IGDCC3: variants seen among roughly 807,000 people sequenced by gnomAD.
IGDCC3 encodes the protein putative neuronal cell adhesion molecule.
In IGDCC3, 47 loss-of-function variants were observed where a neutral mutation model predicts 72.0. The observed-to-expected ratio is 0.65, with a 90% CI of 0.52 to 0.83. The LOEUF (loss-of-function observed/expected upper bound fraction) is 0.83. Among genes scored for constraint, IGDCC3 ranks in the 40% least tolerant of loss-of-function variants. The pLI, the probability that IGDCC3 is intolerant of heterozygous loss-of-function variation, is 0.00. For missense variants in IGDCC3, 1,038 were observed against 1,091.3 expected (o/e 0.95, Z 0.69); for synonymous variants, 477 against 472.8 (o/e 1.01, Z -0.11).
intron 2 of IGDCC3, among the ~76,000 whole-genome samples, chr15:65,347,935 TCAAA>T (rs1355517912): frequency 1.5e-5 from 2 of 137,360 alleles, no homozygotes; most frequent in African/African-American, 5.4e-5. Flanking sequence ...AAATTTCATC[TCAAA>T]CAACAACAAC....
At position 65,329,936 on chromosome 15, in the gene IGDCC3, G is replaced by A. The variant is rs2090961681; in HGVS notation, c.1859-72C>T. The A allele has an allele frequency of 1.3e-6, 2 of 1,542,730 alleles. No individual in the cohort carries two copies. The highest frequency in any genetic ancestry group is 3.4e-5 in the Admixed American group (2 of 59,426). On this transcript the variant is annotated intron_variant, in intron 11 of 13. Coordinates refer to ENST00000327987, the MANE Select transcript of IGDCC3 (RefSeq NM_004884.4). This position sits in a 1 kb window ranked among gnomAD's most constrained non-coding sequence, Gnocchi z 4.1. ...CACTCCCAAACACCCAGCCTCTGGGGACTCCTCTTCCTTCAGCTGCTCCCA... is the reference window on the plus strand; with the variant it reads ...CACTCCCAAACACCCAGCCTCTGGGAACTCCTCTTCCTTCAGCTGCTCCCA...
In IGDCC3 at chr15:65,356,737, A is replaced by G. The variant is rs531330994; in HGVS notation, c.409+18360T>C. On this transcript the variant is annotated intron_variant, in intron 2 of 13. Coordinates refer to ENST00000327987, the MANE Select transcript of IGDCC3 (RefSeq NM_004884.4). ...GAGATTACACCCTTCAAGATCAGGA[A>G]GTGTCTTATCTTTCTGTGCTATCCT... is the stretch of plus-strand genomic sequence containing the variant. Among the ~76,000 whole-genome samples the G allele has an allele frequency of 7.9e-4, 120 of 151,858 alleles. 1 individual carries two copies. The highest frequency in any genetic ancestry group is 2.8e-3 in the African/African-American group (116 of 41,382).
chr15:65,334,051 G>A (rs1253795743), intron 5 of IGDCC3, among the ~76,000 whole-genome samples: 1 of 150,926 alleles, frequency 6.6e-6, no homozygotes, highest in Non-Finnish European at 1.5e-5. Context: ...CCCCATTCAG[G>A]CCCTGAAGTG....
rs2091366512 is a variant in IGDCC3, at chr15:65,377,556, C to A, written c.103+130G>T. 5 of 938,654 alleles carry A rather than the reference C, an allele frequency of 5.3e-6. No individual in the cohort carries two copies. Among genetic ancestry groups the A allele is most frequent in the Non-Finnish European group, 7.0e-6 (5 of 719,022 alleles). The allele number at this position is 938,654 out of a possible 1,614,324, so 58.1% of individuals were successfully genotyped here. A position where few individuals can be genotyped will look rare whatever the true frequency, so the allele number is the denominator to read the frequency against. On this transcript the variant is annotated intron_variant, in intron 1 of 13. Coordinates refer to ENST00000327987, the MANE Select transcript of IGDCC3 (RefSeq NM_004884.4). This position sits in a 1 kb window ranked among gnomAD's most constrained non-coding sequence, Gnocchi z 4.9. ...TCTCCCCGTCCGGATCCGCAGGGTC[C>A]CCCCCGCGCGGGGTCCGCCCTCAGG...
At chr15:65,361,626 G>GC (rs200719208) in intron 2 of IGDCC3, among the ~76,000 whole-genome samples, 1 of 57,000 alleles carries the variant, frequency 1.8e-5, no homozygotes, top group East Asian at 5.5e-4. Flanking sequence ...GACCACAGCA[G>GC]CCTAGAAGAG....
At chr15:65,356,541 A>G (rs915242693) in intron 2 of IGDCC3, among the ~76,000 whole-genome samples, 1 of 152,166 alleles carries the variant, frequency 6.6e-6, no homozygotes, top group Non-Finnish European at 1.5e-5. Context: ...AGGTGGCTCA[A>G]CTTAGAAATC....
intron 2 of IGDCC3, among the ~76,000 whole-genome samples, chr15:65,351,139 A>T (rs1302683915): frequency 6.6e-6 from 1 of 152,262 alleles, no homozygotes; most frequent in African/African-American, 2.4e-5. Flanking sequence ...CGTATTATTC[A>T]GTTTTTCCAT....
intron 2 of IGDCC3, among the ~76,000 whole-genome samples, chr15:65,349,262 A>T (rs938067665): frequency 2.6e-5 from 4 of 152,064 alleles, no homozygotes; most frequent in Admixed American, 6.5e-5. Flanking sequence ...AAAAAAAATA[A>T]TTTTCCTTTA....
In IGDCC3 at chr15:65,358,500, TTATCTC is replaced by T. The variant is rs1469321356; in HGVS notation, c.409+16591_409+16596del. Among the ~76,000 whole-genome samples the T allele has an allele frequency of 2.0e-5, 3 of 152,204 alleles. No individual in the cohort carries two copies. The East Asian group carries it at 5.8e-4, about 29-fold the overall frequency. On this transcript the variant is annotated intron_variant, in intron 2 of 13. Coordinates refer to ENST00000327987, the MANE Select transcript of IGDCC3 (RefSeq NM_004884.4). ...TAACTACAAATACATTTGTCACTAT[TTATCTC>T]TATACATATGCCTTTGTGGGTTGCC...
At chr15:65,348,250 T>G (rs1469277706) in intron 2 of IGDCC3, among the ~76,000 whole-genome samples, 2 of 152,336 alleles carry the variant, frequency 1.3e-5, no homozygotes, top group East Asian at 3.9e-4. Flanking sequence ...GTAGCCATTC[T>G]TTTATTCCTT....
chr15:65,329,125 C>T lies in IGDCC3; in HGVS notation c.2229G>A (p.Pro743=), dbSNP rs766242401. ...RPTQDPAAPA[P]CEETQLSVLP... is the part of the protein sequence containing the mutation. ...GCACGGAGAGCTGGGTCTCCTCACA[C>T]GGAGCGGGGGCTGCAGGATCCTGCT... Residue 743 remains proline (P), a synonymous_variant, in exon 14 of 14, where the codon CCG becomes CCA. Transcript: ENST00000327987. This position sits in a 1 kb window ranked among gnomAD's most constrained non-coding sequence, Gnocchi z 4.1. The T allele has an allele frequency of 5.8e-5, 93 of 1,609,744 alleles. No individual in the cohort carries two copies. The East Asian group carries it at 5.8e-4, about 10-fold the overall frequency.
chr15:65,364,300 T>G (rs1325923431), intron 2 of IGDCC3, among the ~76,000 whole-genome samples: 1 of 152,192 alleles, frequency 6.6e-6, no homozygotes, highest in Non-Finnish European at 1.5e-5. Flanking sequence ...GGGATTTCGT[T>G]TACTCATCTG....
intron 2 of IGDCC3, among the ~76,000 whole-genome samples, chr15:65,355,374 G>T (rs796271946): frequency 9.2e-5 from 14 of 152,218 alleles, no homozygotes; most frequent in African/African-American, 3.4e-4. Context: ...TTTGACTCCG[G>T]GCCTCAAAGG....
chr15:65,353,996 C>T (rs1043312948), intron 2 of IGDCC3, among the ~76,000 whole-genome samples: 1 of 152,150 alleles, frequency 6.6e-6, no homozygotes, highest in Non-Finnish European at 1.5e-5. Flanking sequence ...ACCTCCACCT[C>T]CCTGCTTCAA....
chr15:65,329,239 C>A lies in IGDCC3; in HGVS notation c.2206-91G>T. 2.0e-6 allele frequency: 3 copies of A among 1,513,220 alleles called. No individual in the cohort carries two copies. Among genetic ancestry groups the A allele is most frequent in the Non-Finnish European group, 2.7e-6 (3 of 1,130,844 alleles). 93.7% of individuals were successfully genotyped at this position (1,513,220 alleles called of 1,614,324 possible). A position where few individuals can be genotyped will look rare whatever the true frequency, so the allele number is the denominator to read the frequency against. Reference sequence around the variant, plus strand: ...CACTTGGGCCTTAGGGTCTCCAGGTCTCCCTGCCTGACTCAGGGACACAAA... The same window carrying A: ...CACTTGGGCCTTAGGGTCTCCAGGTATCCCTGCCTGACTCAGGGACACAAA... On this transcript the variant is annotated intron_variant, in intron 13 of 13. Coordinates refer to ENST00000327987, the MANE Select transcript of IGDCC3 (RefSeq NM_004884.4). The surrounding 1 kb of genome is among the most constrained non-coding windows in gnomAD (Gnocchi z 4.1).
chr15:65,331,656 T>G lies in IGDCC3; in HGVS notation c.1152A>C (p.Thr384=). 6.3e-7 allele frequency: 1 copy of G among 1,599,188 alleles called. No individual in the cohort carries two copies. Among genetic ancestry groups the G allele is most frequent in the Non-Finnish European group, 8.5e-7 (1 of 1,169,888 alleles). ...CAGGACCGATTCCAGAAATGGTCAG[T>G]GTGCTGCAGGGGAGAGAGACAGCCT... ...GHVRLKNNNS[T]LTISGIGPED... is the part of the protein sequence containing the mutation. Residue 384 remains threonine, a synonymous_variant, in exon 8 of 14, where the codon ACA becomes ACC. Transcript: ENST00000327987.
intron 2 of IGDCC3, among the ~76,000 whole-genome samples, chr15:65,336,290 G>C (rs1183403885): frequency 1.3e-5 from 2 of 152,074 alleles, no homozygotes; most frequent in Admixed American, 6.6e-5. Context: ...ACCCATGAAG[G>C]CCAATCAGAC....
At position 65,328,695 on chromosome 15, in the gene IGDCC3, G is replaced by A. The variant is rs1364170161; in HGVS notation, c.*214C>T. 2.3e-6 allele frequency: 1 copy of A among 437,516 alleles called. No homozygotes were observed. The highest frequency in any genetic ancestry group is 4.3e-5 in the Admixed American group (1 of 23,126). The allele number at this position is 437,516 out of a possible 1,614,324, so 27.1% of individuals were successfully genotyped here. On this transcript the variant is annotated 3_prime_UTR_variant, in exon 14 of 14. Coordinates refer to ENST00000327987, the MANE Select transcript of IGDCC3 (RefSeq NM_004884.4). ...GGGCGTCAGCCCAGGGAAGGAACAG[G>A]CTCCTGCAGGAACTGCTCCAACTCC...
intron 2 of IGDCC3, among the ~76,000 whole-genome samples, chr15:65,370,798 T>G (rs890459880): frequency 3.9e-5 from 6 of 152,074 alleles, no homozygotes; most frequent in African/African-American, 1.4e-4. Flanking sequence ...ATTTATTTAT[T>G]TATTTAGTAG....
Sources: gnomAD v4.1 joint callset for allele counts (sites outside exome capture counted in the v4.1 genomes callset) on GRCh38, gnomAD v4.1.1 for gene constraint, Gnocchi (gnomAD v3.1) non-coding constraint, MANE v1.5 for transcripts, NCBI Gene and HGNC (gene_info 2026-07-23, HGNC 2026-07-21) for gene names.